The following FBXL13 variants were observed in gnomAD, a reference collection of about 807,000 sequenced individuals.
FBXL13 encodes F-box and leucine-rich repeat protein 13.
A neutral mutation model predicts 83.6 loss-of-function variants in FBXL13; 67 were observed. The observed-to-expected ratio is 0.80, with a 90% confidence interval of 0.66 to 0.98. FBXL13 has a LOEUF of 0.98. Among genes scored for constraint, FBXL13 ranks in the 50% least tolerant of loss-of-function variants. The pLI is 0.00. For missense variants in FBXL13, 822 were observed against 866.5 expected, an observed-to-expected ratio of 0.95 and a Z score of 0.64; for synonymous variants, 272 against 299.5, an observed-to-expected ratio of 0.91 and a Z score of 0.95.
chr7:102,821,973 T>C, intron 19 of FBXL13, 67 bp downstream of exon 20: 1 of 1,502,352 alleles, frequency 6.7e-7, no homozygotes, highest in Non-Finnish European at 9.2e-7. Context: ...ATGAACCTTA[T>C]AGCCATATAC....
At chr7:102,981,434 G>T (rs1533999) in intron 6 of FBXL13, among the ~76,000 whole-genome samples, 1 of 152,170 alleles carries the variant, frequency 6.6e-6, no homozygotes, top group South Asian at 2.1e-4. Flanking sequence ...TTCTGACATT[G>T]CACACAGGCC....
chr7:102,841,613 C>T (rs1157736624), intron 17 of FBXL13, among the ~76,000 whole-genome samples: 1 of 152,244 alleles, frequency 6.6e-6, no homozygotes, highest in African/African-American at 2.4e-5. Flanking sequence ...TCAAATCCCA[C>T]ATCCTTTGAA....
chr7:103,015,026 G>C (rs1447022915), intron 6 of FBXL13, among the ~76,000 whole-genome samples: 1 of 150,894 alleles, frequency 6.6e-6, no homozygotes, highest in African/African-American at 2.4e-5. Context: ...TCCCTAAGAT[G>C]CAAGGTTGGT....
chr7:102,819,571 C>T (rs753753496), intron 19 of FBXL13, among the ~76,000 whole-genome samples: 2 of 152,198 alleles, frequency 1.3e-5, no homozygotes, highest in Non-Finnish European at 2.9e-5. Context: ...ACAGCCTCTT[C>T]TGACGGCTGT....
At chr7:102,997,281 T>C (rs763733469) in intron 6 of FBXL13, among the ~76,000 whole-genome samples, 5 of 152,174 alleles carry the variant, frequency 3.3e-5, no homozygotes, top group Non-Finnish European at 5.9e-5. Flanking sequence ...ATGAAGTAAT[T>C]TCTCTTTTAA....
chr7:102,838,635 A>G (rs1802405578), intron 17 of FBXL13, among the ~76,000 whole-genome samples: 1 of 152,118 alleles, frequency 6.6e-6, no homozygotes, highest in Non-Finnish European at 1.5e-5. Context: ...CTGTAACTTT[A>G]GCCCCAACCT....
chr7:102,999,810 C>T (rs1790203584), intron 6 of FBXL13, among the ~76,000 whole-genome samples: 1 of 151,954 alleles, frequency 6.6e-6, no homozygotes, highest in South Asian at 2.1e-4. Context: ...CTTAGTCTAA[C>T]TAAAGATTTG....
intron 2 of FBXL13, among the ~76,000 whole-genome samples, chr7:103,053,004 G>A (rs930283838): frequency 1.3e-5 from 2 of 151,830 alleles, no homozygotes; most frequent in African/African-American, 4.8e-5. Context: ...TGATCCACCC[G>A]CCTCAGCCTC....
chr7:102,940,075 G>A (rs1821098157), intron 8 of FBXL13, among the ~76,000 whole-genome samples: 1 of 151,136 alleles, frequency 6.6e-6, no homozygotes, highest in African/African-American at 2.4e-5. Context: ...TGTATTTTTA[G>A]TAGAGATGGG....
At chr7:102,901,191 T>G (rs2129465101) in intron 11 of FBXL13, among the ~76,000 whole-genome samples, 1 of 152,326 alleles carries the variant, frequency 6.6e-6, no homozygotes, top group South Asian at 2.1e-4. Context: ...CTAGAATGTT[T>G]TGTGAAAACT....
At chr7:102,823,200 A>T (rs1799058483) in intron 18 of FBXL13, among the ~76,000 whole-genome samples, 1 of 152,202 alleles carries the variant, frequency 6.6e-6, no homozygotes, top group African/African-American at 2.4e-5. Context: ...AACTTATGAA[A>T]TGCTATAGAG....
Position 102,834,128 on chromosome 7 carries a change from AAGAAAG to A in FBXL13, c.1720-1160_1720-1155del, listed in dbSNP as rs1255938711. Among the ~76,000 whole-genome samples, 201 of 104,768 alleles carry A rather than the reference AAGAAAG, an allele frequency of 1.9e-3. 2 individuals are homozygous for A. The highest frequency in any genetic ancestry group is 5.1e-3 in the African/African-American group (114 of 22,182). The allele number at this position is 104,768 out of a possible 152,430, so 68.7% of individuals were successfully genotyped here. ...AAAGAAAGAAAGAAAGAAAGAAAGA[AAGAAAG>A]AAAGAAAAGAGAAGACAAGAGAAAA... is the stretch of plus-strand genomic sequence containing the variant. On this transcript the variant is annotated intron_variant, in intron 17 of 19. Coordinates refer to ENST00000313221, the Ensembl canonical transcript of FBXL13.
At chr7:102,906,755 C>T (rs184337061) in intron 11 of FBXL13, among the ~76,000 whole-genome samples, 6 of 152,270 alleles carry the variant, frequency 3.9e-5, no homozygotes, top group Admixed American at 2.6e-4. Context: ...TTTCTTTTCT[C>T]TTGGTGCCTT....
intron 18 of FBXL13, among the ~76,000 whole-genome samples, chr7:102,826,767 A>G (rs1192230863): frequency 1.8e-5 from 2 of 112,844 alleles, no homozygotes; most frequent in Admixed American, 1.0e-4. Flanking sequence ...ATATATATAT[A>G]TATATGTATA....
intron 6 of FBXL13, among the ~76,000 whole-genome samples, chr7:102,986,653 T>C (rs1828990509): frequency 6.6e-6 from 1 of 152,130 alleles, no homozygotes; most frequent in Non-Finnish European, 1.5e-5. Context: ...GGAAGAAGGA[T>C]ATTAGAATTG....
chr7:103,037,512 T>A (rs1193615734), intron 2 of FBXL13, among the ~76,000 whole-genome samples: 1 of 152,172 alleles, frequency 6.6e-6, no homozygotes. Context: ...TTGTATTTTA[T>A]TTTATTATTT....
chr7:102,894,067 TG>T lies in FBXL13; in HGVS notation c.1009-9756del, dbSNP rs2129461479. ...GAAATTCCTCCCCTGACTCTTGCTT[TG>T]CTTATGCAATCTCCATTCAATTTGG... On this transcript the variant is annotated intron_variant, in intron 11 of 19. Coordinates refer to ENST00000313221, the Ensembl canonical transcript of FBXL13. Among the ~76,000 whole-genome samples the T allele has an allele frequency of 5.3e-5, 8 of 152,306 alleles. 2 individuals are homozygous for T. The highest frequency in any genetic ancestry group is 1.9e-4 in the African/African-American group (8 of 41,572).
chr7:103,060,037 T>C (rs1191332801), intron 1 of FBXL13, among the ~76,000 whole-genome samples: 31 of 93,206 alleles, frequency 3.3e-4, no homozygotes, highest in African/African-American at 1.4e-3. Flanking sequence ...TATATATATA[T>C]ATATATATAT....
At chr7:103,037,332 G>C (rs1374936115) in intron 2 of FBXL13, among the ~76,000 whole-genome samples, 1 of 152,140 alleles carries the variant, frequency 6.6e-6, no homozygotes, top group Admixed American at 6.5e-5. Flanking sequence ...GGCATTGTCT[G>C]CCTCTCCCAA....
Sources: gnomAD v4.1 joint callset for allele counts (sites outside exome capture counted in the v4.1 genomes callset) on GRCh38, gnomAD v4.1.1 for gene constraint, MANE v1.5 for transcripts, NCBI Gene and HGNC (gene_info 2026-07-23, HGNC 2026-07-21) for gene names.